The following CTNNA3 variants were observed in gnomAD, a reference collection of about 807,000 sequenced individuals.
CTNNA3 encodes the protein catenin alpha-3.
In CTNNA3, 76 loss-of-function variants were observed where a neutral mutation model predicts 95.7. That is an observed-to-expected ratio of 0.79 (90% CI 0.66 to 0.96). The LOEUF (loss-of-function observed/expected upper bound fraction) is 0.96, where lower values mean the gene tolerates loss of function less well. Among genes scored for constraint, CTNNA3 ranks in the 40% least tolerant of loss-of-function variants. The probability of loss-of-function intolerance (pLI) is 0.00; values close to 1 mark genes in which losing one functional copy is unlikely to be tolerated. For missense variants in CTNNA3, 1,191 were observed against 1,089.8 expected, an observed-to-expected ratio of 1.09 and a Z score of -1.31; for synonymous variants, 431 against 374.4, an observed-to-expected ratio of 1.15 and a Z score of -1.74.
chr10:66,479,251 T>A (rs1839430473), intron 11 of CTNNA3, among the ~76,000 whole-genome samples: 1 of 151,814 alleles, frequency 6.6e-6, no homozygotes, highest in African/African-American at 2.4e-5. Flanking sequence ...TATATTCATA[T>A]TGAAGTCTAT....
intron 12 of CTNNA3, among the ~76,000 whole-genome samples, chr10:66,312,530 C>A (rs2092035031): frequency 1.3e-5 from 2 of 149,322 alleles, no homozygotes; most frequent in African/African-American, 2.5e-5. Context: ...ACCTTAGAAA[C>A]TCTGAGTCCA....
At chr10:66,841,689 C>T (rs917878268) in intron 7 of CTNNA3, among the ~76,000 whole-genome samples, 3 of 152,120 alleles carry the variant, frequency 2.0e-5, no homozygotes, top group African/African-American at 7.2e-5. Context: ...TCAAAGCATT[C>T]TCTATGTAAT....
At chr10:66,633,596 C>T (rs1003364354) in intron 9 of CTNNA3, among the ~76,000 whole-genome samples, 16 of 152,010 alleles carry the variant, frequency 1.1e-4, no homozygotes, top group African/African-American at 3.1e-4. Context: ...AGGAGAATGG[C>T]GTGAACCCAG....
At chr10:67,273,263 C>T (rs759254750) in intron 5 of CTNNA3, among the ~76,000 whole-genome samples, 1 of 152,016 alleles carries the variant, frequency 6.6e-6, no homozygotes, top group African/African-American at 2.4e-5. Context: ...AATAAAAATA[C>T]AACTCAATAA....
intron 17 of CTNNA3, among the ~76,000 whole-genome samples, chr10:65,945,170 A>G (rs1409392090): frequency 2.0e-5 from 3 of 151,852 alleles, no homozygotes; most frequent in African/African-American, 7.3e-5. Flanking sequence ...GTATATATAT[A>G]TATATAGTGA....
At chr10:67,517,752 G>C (rs1473998665) in intron 5 of CTNNA3, among the ~76,000 whole-genome samples, 1 of 152,078 alleles carries the variant, frequency 6.6e-6, no homozygotes, top group Non-Finnish European at 1.5e-5. Flanking sequence ...AAATGTTGCA[G>C]CTCCCTTCTT....
At chr10:67,328,633 G>A (rs1841652019) in intron 5 of CTNNA3, among the ~76,000 whole-genome samples, 1 of 152,198 alleles carries the variant, frequency 6.6e-6, no homozygotes, top group Non-Finnish European at 1.5e-5. Context: ...GCCACTGGGG[G>A]CCAGGAATGA....
chr10:67,400,755 T>C (rs975927652), intron 5 of CTNNA3, among the ~76,000 whole-genome samples: 5 of 152,214 alleles, frequency 3.3e-5, no homozygotes, highest in Admixed American at 3.3e-4. Context: ...TAATAATATG[T>C]AATTTAATGT....
chr10:66,742,576 C>T (rs1849363845), intron 9 of CTNNA3, among the ~76,000 whole-genome samples: 1 of 152,110 alleles, frequency 6.6e-6, no homozygotes. Context: ...GCTCAGGGGG[C>T]ATCACAGAAC....
chr10:66,362,746 A>T (rs1365967552), intron 12 of CTNNA3, among the ~76,000 whole-genome samples: 1 of 152,036 alleles, frequency 6.6e-6, no homozygotes, highest in Non-Finnish European at 1.5e-5. Flanking sequence ...TAATTTGATA[A>T]ATTGGAAGCT....
At chr10:67,762,383 C>CCA (rs1491429702) in intron 1 of CTNNA3, among the ~76,000 whole-genome samples, 21 of 136,968 alleles carry the variant, frequency 1.5e-4, no homozygotes, top group Admixed American at 1.5e-4. Context: ...CTCCCCCCCC[C>CCA]AAAAAAAAAA....
At chr10:66,853,440 C>A (rs1416517536) in intron 7 of CTNNA3, among the ~76,000 whole-genome samples, 1 of 152,010 alleles carries the variant, frequency 6.6e-6, no homozygotes. Flanking sequence ...TATATATTCC[C>A]AGAACATGCA....
chr10:66,893,794 G>A lies in CTNNA3; in HGVS notation c.1048-118270C>T, dbSNP rs574345967. Among the ~76,000 whole-genome samples the A allele has an allele frequency of 9.2e-5, 14 of 152,172 alleles. No homozygotes were observed. The South Asian group carries it at 1.0e-3, about 11-fold the overall frequency. ...ACATACTAAGTCCTTTTGATTTGTC[G>A]TGGATACTACCTAAAAGAACACAGA... On this transcript the variant is annotated intron_variant, in intron 7 of 17. Transcript: ENST00000433211.
chr10:66,445,140 C>T (rs1341981318), intron 11 of CTNNA3, among the ~76,000 whole-genome samples: 1 of 151,880 alleles, frequency 6.6e-6, no homozygotes, highest in Non-Finnish European at 1.5e-5. Context: ...AATATACATG[C>T]ACCCAATACA....
At chr10:67,358,669 G>A (rs972933964) in intron 5 of CTNNA3, among the ~76,000 whole-genome samples, 1 of 152,080 alleles carries the variant, frequency 6.6e-6, no homozygotes, top group Admixed American at 6.6e-5. Flanking sequence ...ACCACCCATA[G>A]ACATACCCCA....
intron 11 of CTNNA3, among the ~76,000 whole-genome samples, chr10:66,487,551 C>T (rs963555154): frequency 6.6e-6 from 1 of 151,888 alleles, no homozygotes; most frequent in African/African-American, 2.4e-5. Flanking sequence ...TTAAGTGTCC[C>T]CACTCCCCAG....
chr10:66,586,017 T>G (rs1484097800), intron 10 of CTNNA3, among the ~76,000 whole-genome samples: 1 of 152,128 alleles, frequency 6.6e-6, no homozygotes, highest in African/African-American at 2.4e-5. Flanking sequence ...TGGTTTCAAG[T>G]GGCAAAGACT....
intron 7 of CTNNA3, among the ~76,000 whole-genome samples, chr10:67,155,147 G>T (rs1036124578): frequency 1.1e-4 from 17 of 149,160 alleles, no homozygotes; most frequent in African/African-American, 4.0e-4. Flanking sequence ...CAAGAAGCAT[G>T]TCTCTTTAGT....
intron 1 of CTNNA3, among the ~76,000 whole-genome samples, chr10:67,739,717 A>G (rs1168677635): frequency 6.6e-6 from 1 of 152,324 alleles, no homozygotes; most frequent in African/African-American, 2.4e-5. Context: ...AATATCGTGA[A>G]AATGGCCATA....
Sources: allele counts gnomAD v4.1 joint callset (sites outside exome capture counted in the v4.1 genomes callset), GRCh38; gene constraint gnomAD v4.1.1; transcripts MANE v1.5; gene names NCBI Gene and HGNC (gene_info 2026-07-23, HGNC 2026-07-21).